RIMS2: variants seen among roughly 807,000 people sequenced by gnomAD.
RIMS2 encodes the protein regulating synaptic membrane exocytosis protein 2.
RIMS2 carries 59 observed loss-of-function variants against 174.4 expected under a neutral mutation model. That is an observed-to-expected ratio of 0.34 (90% CI 0.27 to 0.42). The LOEUF is 0.42. Among genes scored for constraint, RIMS2 ranks in the 10% least tolerant of loss-of-function variants. The probability of loss-of-function intolerance (pLI) is 1.00; values close to 1 mark genes in which losing one functional copy is unlikely to be tolerated. For missense variants in RIMS2, 1,620 were observed against 1,666.3 expected (o/e 0.97, Z 0.48); for synonymous variants, 606 against 572.5 (o/e 1.06, Z -0.84).
intron 13 of RIMS2, among the ~76,000 whole-genome samples, chr8:103,942,054 G>A (rs979810921): frequency 1.3e-5 from 2 of 152,100 alleles, no homozygotes; most frequent in Admixed American, 6.5e-5. Flanking sequence ...GGGTAAACAT[G>A]TTTCATGGGG....
intron 1 of RIMS2, among the ~76,000 whole-genome samples, chr8:103,540,400 A>G (rs1841994534): frequency 1.3e-5 from 2 of 152,182 alleles, no homozygotes; most frequent in South Asian, 4.1e-4. Flanking sequence ...GTCTTCATCA[A>G]CACCGACCTC....
chr8:104,009,243 T>G (rs1464304307), intron 17 of RIMS2, among the ~76,000 whole-genome samples: 1 of 151,644 alleles, frequency 6.6e-6, no homozygotes, highest in East Asian at 1.9e-4. Flanking sequence ...GCCCAGAAAA[T>G]CTGTAGACAT....
chr8:103,893,015 G>A (rs1344893763), intron 4 of RIMS2, among the ~76,000 whole-genome samples: 1 of 151,770 alleles, frequency 6.6e-6, no homozygotes, highest in African/African-American at 2.4e-5. Context: ...TGTCCTAATG[G>A]TATTACAAAT....
At chr8:103,764,035 T>C (rs955710093) in intron 2 of RIMS2, among the ~76,000 whole-genome samples, 2 of 152,238 alleles carry the variant, frequency 1.3e-5, no homozygotes, top group African/African-American at 2.4e-5. Context: ...CAGAGTTTCC[T>C]ATTCAGTAAG....
chr8:104,145,698 T>TAAATAAATAAAC (rs1366867927), intron 19 of RIMS2, among the ~76,000 whole-genome samples: 1 of 149,620 alleles, frequency 6.7e-6, no homozygotes, highest in Admixed American at 6.7e-5. Flanking sequence ...AATAAATAAA[T>TAAATAAATAAAC]AAATAAATAA....
At chr8:103,942,471 A>G (rs773755237) in intron 13 of RIMS2, among the ~76,000 whole-genome samples, 35 of 152,222 alleles carry the variant, frequency 2.3e-4, no homozygotes, top group Non-Finnish European at 4.1e-4. Context: ...AGTTATTATT[A>G]CAGTCATTTA....
intron 19 of RIMS2, among the ~76,000 whole-genome samples, chr8:104,136,189 AC>A (rs1395817155): frequency 1.3e-5 from 2 of 152,100 alleles, no homozygotes. Flanking sequence ...TTTTTTGATG[AC>A]CCATTTATTG....
chr8:104,066,079 A>C (rs2097101088), intron 19 of RIMS2, among the ~76,000 whole-genome samples: 1 of 152,204 alleles, frequency 6.6e-6, no homozygotes, highest in East Asian at 1.9e-4. Flanking sequence ...TGTTTTGTAA[A>C]CAAAGTTTTA....
intron 11 of RIMS2, chr8:103,927,933 C>T: frequency 6.5e-7 from 1 of 1,549,522 alleles, no homozygotes; most frequent in Non-Finnish European, 8.8e-7. Flanking sequence ...TTGTGTTTAA[C>T]CCTATTTGTA....
At chr8:103,928,621 T>G (rs1244542221) in intron 11 of RIMS2, among the ~76,000 whole-genome samples, 2 of 151,340 alleles carry the variant, frequency 1.3e-5, no homozygotes, top group South Asian at 2.1e-4. Context: ...TTAAAAAATT[T>G]GTTGCTTCTG....
At chr8:103,642,235 G>A (rs1218351667) in intron 1 of RIMS2, among the ~76,000 whole-genome samples, 1 of 150,776 alleles carries the variant, frequency 6.6e-6, no homozygotes, top group East Asian at 2.0e-4. Flanking sequence ...TTTTATTTTG[G>A]TGGTTGCTTA....
chr8:103,531,966 ATAAT>A (rs1156531362), intron 1 of RIMS2, among the ~76,000 whole-genome samples: 2 of 152,246 alleles, frequency 1.3e-5, no homozygotes, highest in Non-Finnish European at 2.9e-5. Context: ...GCAATATTAA[ATAAT>A]TATAGTCAAT....
intron 19 of RIMS2, among the ~76,000 whole-genome samples, chr8:104,153,117 C>T (rs1000805701): frequency 6.6e-6 from 1 of 151,954 alleles, no homozygotes. Flanking sequence ...TGTTGACCAA[C>T]ACACATAGAG....
intron 1 of RIMS2, among the ~76,000 whole-genome samples, chr8:103,544,801 C>T (rs68145832): frequency 0.18 from 27,707 of 152,132 alleles, 2,771 homozygotes; most frequent in African/African-American, 0.26. Flanking sequence ...GACCCACGAA[C>T]AGACTAGAAT....
intron 1 of RIMS2, among the ~76,000 whole-genome samples, chr8:103,678,750 A>C (rs1227660017): frequency 6.6e-6 from 1 of 152,158 alleles, no homozygotes; most frequent in Non-Finnish European, 1.5e-5. Flanking sequence ...TTAAATGCAT[A>C]AAAGATAATA....
chr8:103,793,729 C>A (rs759439775), intron 3 of RIMS2, among the ~76,000 whole-genome samples: 22 of 152,154 alleles, frequency 1.4e-4, no homozygotes, highest in Non-Finnish European at 3.1e-4. Context: ...GCAACTTCAG[C>A]AAAGTCTCAG....
At chr8:104,225,274 T>C (rs1306131599) in intron 19 of RIMS2, among the ~76,000 whole-genome samples, 1 of 152,118 alleles carries the variant, frequency 6.6e-6, no homozygotes, top group Non-Finnish European at 1.5e-5. Context: ...GTCACCAAGA[T>C]GGTAGGTAAT....
intron 19 of RIMS2, among the ~76,000 whole-genome samples, chr8:104,062,082 T>A (rs997498199): frequency 6.6e-6 from 1 of 152,156 alleles, no homozygotes; most frequent in Non-Finnish European, 1.5e-5. Context: ...TTTTTCACAA[T>A]TTTTAGATAT....
At chr8:103,614,574 G>T (rs970936794) in intron 1 of RIMS2, among the ~76,000 whole-genome samples, 1 of 152,228 alleles carries the variant, frequency 6.6e-6, no homozygotes, top group Non-Finnish European at 1.5e-5. Flanking sequence ...TGGTATTCAT[G>T]CAGGGCAACA....
Sources: allele counts gnomAD v4.1 joint callset (sites outside exome capture counted in the v4.1 genomes callset), GRCh38; gene constraint gnomAD v4.1.1; transcripts MANE v1.5; gene names NCBI Gene and HGNC (gene_info 2026-07-23, HGNC 2026-07-21).